ASCC3: variants seen among roughly 807,000 people sequenced by gnomAD.
ASCC3 encodes ASC-1 complex subunit P200.
Under a neutral mutation model 256.3 loss-of-function variants are expected in ASCC3, and 158 were observed. That is an observed-to-expected ratio of 0.62 (90% confidence interval 0.54 to 0.70). The LOEUF is 0.70. ASCC3 is among the 30% of genes least tolerant of loss of function. The probability of loss-of-function intolerance (pLI) is 0.00; values close to 1 mark genes in which losing one functional copy is unlikely to be tolerated. For missense variants in ASCC3, 2,259 were observed against 2,626.0 expected, an observed-to-expected ratio of 0.86 and a Z score of 3.05; for synonymous variants, 948 against 883.4, an observed-to-expected ratio of 1.07 and a Z score of -1.30.
intron 10 of ASCC3, among the ~76,000 whole-genome samples, chr6:100,729,273 T>C (rs1306711655): frequency 6.6e-6 from 1 of 152,100 alleles, no homozygotes; most frequent in South Asian, 2.1e-4. Context: ...AGAAAATATG[T>C]GTGTGAACAG....
At chr6:100,673,923 TTC>T (rs1776881094) in intron 14 of ASCC3, among the ~76,000 whole-genome samples, 2 of 152,306 alleles carry the variant, frequency 1.3e-5, no homozygotes, top group Admixed American at 6.5e-5. Flanking sequence ...TTTGCCTGTG[TTC>T]TCTTTTTTCT....
intron 36 of ASCC3, among the ~76,000 whole-genome samples, chr6:100,553,272 C>T (rs1363555441): frequency 6.6e-6 from 1 of 152,126 alleles, no homozygotes. Context: ...TTTCTAGCCA[C>T]TGCTTCCTTA....
At chr6:100,723,893 T>C (rs1269435275) in intron 11 of ASCC3, among the ~76,000 whole-genome samples, 7 of 123,162 alleles carry the variant, frequency 5.7e-5, no homozygotes, top group African/African-American at 2.1e-4. Flanking sequence ...TATATATATA[T>C]ATATTTATAA....
chr6:100,530,264 G>C, intron 37 of ASCC3: 2 of 1,138,156 alleles, frequency 1.8e-6, no homozygotes, highest in South Asian at 2.5e-5. Context: ...GAGAGGCCTG[G>C]AGGACACCAA....
At chr6:100,570,902 T>C (rs1385820403) in intron 36 of ASCC3, among the ~76,000 whole-genome samples, 2 of 152,220 alleles carry the variant, frequency 1.3e-5, no homozygotes, top group Admixed American at 1.3e-4. Context: ...ATCCTGAGTC[T>C]GACTACTACT....
intron 30 of ASCC3, among the ~76,000 whole-genome samples, chr6:100,608,278 TTATATATACTTTA>T (rs1773101306): frequency 1.8e-5 from 1 of 54,918 alleles, no homozygotes; most frequent in African/African-American, 9.1e-5. Context: ...TATATATACT[TTATATATACTTTA>T]TATATACCTT....
chr6:100,808,011 T>G (rs1309749353), intron 4 of ASCC3, among the ~76,000 whole-genome samples: 1 of 151,870 alleles, frequency 6.6e-6, no homozygotes, highest in Non-Finnish European at 1.5e-5. Context: ...GTGAGCCTCC[T>G]ACACAAAGGA....
intron 39 of ASCC3, 36 bp from the exon 40 acceptor site, chr6:100,512,954 G>C (rs1773847927): frequency 6.4e-7 from 1 of 1,568,186 alleles, no homozygotes; most frequent in Non-Finnish European, 8.7e-7. Flanking sequence ...TAAAGGAGGA[G>C]TTTATGTGAA....
At chr6:100,791,804 T>C (rs1769361321) in intron 8 of ASCC3, among the ~76,000 whole-genome samples, 1 of 151,988 alleles carries the variant, frequency 6.6e-6, no homozygotes, top group Admixed American at 6.6e-5. Context: ...CTTGTTTCCC[T>C]TGAATCCTGG....
chr6:100,754,580 C>T (rs1009892513), intron 10 of ASCC3, among the ~76,000 whole-genome samples: 4 of 152,120 alleles, frequency 2.6e-5, no homozygotes, highest in Non-Finnish European at 4.4e-5. Context: ...CCTTTAACAT[C>T]GCCACCTCCC....
At chr6:100,733,925 A>T (rs946666918) in intron 10 of ASCC3, among the ~76,000 whole-genome samples, 1 of 152,144 alleles carries the variant, frequency 6.6e-6, no homozygotes, top group Admixed American at 6.6e-5. Flanking sequence ...AAACAAACAA[A>T]ATATATATAC....
intron 8 of ASCC3, among the ~76,000 whole-genome samples, chr6:100,771,531 T>C (rs895664083): frequency 1.3e-4 from 3 of 22,598 alleles, no homozygotes; most frequent in Non-Finnish European, 3.2e-4. Flanking sequence ...AAAGTGCTTA[T>C]ACGTAGAATA....
chr6:100,628,113 G>A lies in ASCC3; in HGVS notation c.4376-126C>T, dbSNP rs116586971. 4.9e-3 allele frequency: 4,786 copies of A among 982,944 alleles called. 86 individuals carry two copies. The highest frequency in any genetic ancestry group is 0.042 in the African/African-American group (2,467 of 58,898). The allele number at this position is 982,944 out of a possible 1,614,324, so 60.9% of individuals were successfully genotyped here. On this transcript the variant is annotated intron_variant, in intron 27 of 41. Coordinates refer to ENST00000369162, the MANE Select transcript of ASCC3 (RefSeq NM_006828.4). Reference sequence around the variant, plus strand: ...AAACAAAAAAAAAAACAAAAAAAAAGCTAAAGCTAGAACTACCAAAGGATT... The same window carrying A: ...AAACAAAAAAAAAAACAAAAAAAAAACTAAAGCTAGAACTACCAAAGGATT...
At chr6:100,645,960 G>A (rs1403596907) in intron 22 of ASCC3, among the ~76,000 whole-genome samples, 1 of 152,016 alleles carries the variant, frequency 6.6e-6, no homozygotes, top group East Asian at 1.9e-4. Flanking sequence ...GTGATTGGGG[G>A]AAAATATAGA....
chr6:100,517,268 C>T (rs1291121642), intron 38 of ASCC3, among the ~76,000 whole-genome samples: 2 of 152,134 alleles, frequency 1.3e-5, no homozygotes, highest in East Asian at 1.9e-4. Flanking sequence ...TGCCACCCCT[C>T]ATCCAGATGA....
chr6:100,852,895 T>A (rs1772755011), intron 3 of ASCC3, among the ~76,000 whole-genome samples: 1 of 152,084 alleles, frequency 6.6e-6, no homozygotes, highest in African/African-American at 2.4e-5. Flanking sequence ...CCTACAATAC[T>A]TTTATTAAGA....
chr6:100,761,349 G>A (rs1250834246), intron 10 of ASCC3, among the ~76,000 whole-genome samples: 1 of 152,148 alleles, frequency 6.6e-6, no homozygotes, highest in African/African-American at 2.4e-5. Flanking sequence ...TTACCGGGAT[G>A]TGGTGGCATG....
rs140941303 is a variant in ASCC3 at position 100,752,596 on chromosome 6, A to G, written c.1737+13969T>C. 3.9e-4 allele frequency among the ~76,000 whole-genome samples: 59 copies of G among 152,256 alleles called. 1 individual carries two copies. Among genetic ancestry groups the G allele is most frequent in the African/African-American group, 1.4e-3 (58 of 41,564 alleles). On this transcript the variant is annotated intron_variant, in intron 10 of 41. Coordinates refer to ENST00000369162, the MANE Select transcript of ASCC3 (RefSeq NM_006828.4). ...GTGCTCAGATTCAAAACTGCCTGCT[A>G]GGAAAGTTATTTTGGTATATGACAT... is the stretch of plus-strand genomic sequence containing the variant.
intron 36 of ASCC3, among the ~76,000 whole-genome samples, chr6:100,583,068 C>T (rs914024253): frequency 7.2e-5 from 11 of 152,112 alleles, no homozygotes; most frequent in Non-Finnish European, 1.3e-4. Flanking sequence ...TGTGGCTCTG[C>T]CAGGCTTTGG....
Sources: gnomAD v4.1 joint callset for allele counts (sites outside exome capture counted in the v4.1 genomes callset) on GRCh38, gnomAD v4.1.1 for gene constraint, MANE v1.5 for transcripts, NCBI Gene and HGNC (gene_info 2026-07-23, HGNC 2026-07-21) for gene names.